The following CDH13 variants were observed in gnomAD, a reference collection of about 807,000 sequenced individuals.
CDH13 encodes cadherin 13, also known as cadherin-13.
Under a neutral mutation model 63.8 loss-of-function variants are expected in CDH13, and 24 were observed. The observed-to-expected ratio is 0.38, with a 90% confidence interval of 0.27 to 0.53. CDH13 has a LOEUF of 0.53. CDH13 is among the 20% of genes least tolerant of loss of function. The probability of loss-of-function intolerance (pLI) is 0.85; values close to 1 mark genes in which losing one functional copy is unlikely to be tolerated. For missense variants in CDH13, 1,049 were observed against 903.1 expected, an observed-to-expected ratio of 1.16 and a Z score of -2.07; for synonymous variants, 503 against 355.3, an observed-to-expected ratio of 1.42 and a Z score of -4.67.
chr16:83,314,185 C>G (rs915152283), intron 5 of CDH13, among the ~76,000 whole-genome samples: 1 of 152,126 alleles, frequency 6.6e-6, no homozygotes, highest in Non-Finnish European at 1.5e-5. Context: ...TTTATTCACT[C>G]CCAACACACT....
In CDH13 at chr16:83,572,631, G is replaced by A. The variant is rs773101179; in HGVS notation, c.961-29823G>A. ...CATTGAATTGAATATTCTAGCCCTC[G>A]CTCACCAGTTAATTGATGTTATTCC... On this transcript the variant is annotated intron_variant, in intron 7 of 13. Transcript: ENST00000567109. 7.9e-5 allele frequency among the ~76,000 whole-genome samples: 12 copies of A among 152,072 alleles called. 1 individual carries two copies. The highest frequency in any genetic ancestry group is 2.1e-4 in the South Asian group (1 of 4,820).
intron 3 of CDH13, among the ~76,000 whole-genome samples, chr16:83,073,421 C>T (rs1397758579): frequency 6.7e-6 from 1 of 150,304 alleles, no homozygotes; most frequent in African/African-American, 2.5e-5. Context: ...TTATATTAAA[C>T]AGAATATTGG....
At chr16:82,753,588 A>T (rs1278366642) in intron 1 of CDH13, among the ~76,000 whole-genome samples, 2 of 152,214 alleles carry the variant, frequency 1.3e-5, no homozygotes, top group South Asian at 2.1e-4. Flanking sequence ...CATCAAAAAA[A>T]AATTCTTTAT....
intron 1 of CDH13, among the ~76,000 whole-genome samples, chr16:82,720,724 AC>A (rs1567465107): frequency 6.6e-6 from 1 of 152,090 alleles, no homozygotes; most frequent in East Asian, 1.9e-4. Flanking sequence ...ATTGAAGAAA[AC>A]AGCATTATAT....
At chr16:83,045,080 A>G (rs1220551997) in intron 3 of CDH13, among the ~76,000 whole-genome samples, 2 of 152,210 alleles carry the variant, frequency 1.3e-5, no homozygotes, top group African/African-American at 2.4e-5. Context: ...AGAGATTCAC[A>G]TGGAGATACT....
At chr16:83,753,465 A>T (rs1284443676) in intron 11 of CDH13, among the ~76,000 whole-genome samples, 3 of 152,126 alleles carry the variant, frequency 2.0e-5, no homozygotes, top group Admixed American at 2.0e-4. Flanking sequence ...GGATCACCTG[A>T]ACCCAGGTAG....
At chr16:83,096,184 T>G (rs1360352569) in intron 3 of CDH13, among the ~76,000 whole-genome samples, 1 of 152,202 alleles carries the variant, frequency 6.6e-6, no homozygotes, top group African/African-American at 2.4e-5. Flanking sequence ...CGTACCAGGC[T>G]ATGTGTGGAC....
At chr16:83,744,670 C>T (rs140895759) in intron 10 of CDH13, among the ~76,000 whole-genome samples, 1 of 152,328 alleles carries the variant, frequency 6.6e-6, no homozygotes, top group African/African-American at 2.4e-5. Flanking sequence ...CATTAACACA[C>T]CCATAGCCTG....
At chr16:82,943,148 A>G (rs566238594) in intron 2 of CDH13, among the ~76,000 whole-genome samples, 1 of 152,330 alleles carries the variant, frequency 6.6e-6, no homozygotes, top group South Asian at 2.1e-4. Flanking sequence ...TTTAGCATTT[A>G]CAATTATTGT....
intron 6 of CDH13, among the ~76,000 whole-genome samples, chr16:83,355,673 G>A (rs759331543): frequency 1.3e-5 from 2 of 152,208 alleles, no homozygotes; most frequent in African/African-American, 2.4e-5. Context: ...TAATGAGGAT[G>A]GGGTTGGAGG....
chr16:83,399,634 G>C (rs1306596594), intron 6 of CDH13, among the ~76,000 whole-genome samples: 1 of 152,172 alleles, frequency 6.6e-6, no homozygotes, highest in Non-Finnish European at 1.5e-5. Context: ...TGACTTCTGA[G>C]ATGAGGTCAT....
At chr16:82,719,294 T>A (rs2032605611) in intron 1 of CDH13, 1 of 449,784 alleles carries the variant, frequency 2.2e-6, no homozygotes. Flanking sequence ...CTGGGACAGG[T>A]GGTGTGGAGA....
At chr16:83,052,801 A>AAAAG (rs1555571696) in intron 3 of CDH13, among the ~76,000 whole-genome samples, 2,224 of 122,406 alleles carry the variant, frequency 0.018, 277 homozygotes, top group African/African-American at 0.04. Context: ...AAAAAAAAAA[A>AAAAG]AAAGAAAGAA....
chr16:83,026,332 G>A lies in CDH13; in HGVS notation c.158-5678G>A, dbSNP rs527438046. ...AATGAACAGATCAGAGAAGGTTCTCGCTCTAGGCCTTTCTGGATATGGGAC... is the reference window on the plus strand; with the variant it reads ...AATGAACAGATCAGAGAAGGTTCTCACTCTAGGCCTTTCTGGATATGGGAC... On this transcript the variant is annotated intron_variant, in intron 2 of 13. Coordinates refer to ENST00000567109, the MANE Select transcript of CDH13 (RefSeq NM_001257.5). Among the ~76,000 whole-genome samples, 542 of 152,274 alleles carry A rather than the reference G, an allele frequency of 3.6e-3. 2 individuals are homozygous for A. Among genetic ancestry groups the A allele is most frequent in the Non-Finnish European group, 5.9e-3 (403 of 68,028 alleles).
chr16:82,973,834 G>C (rs1205178093), intron 2 of CDH13, among the ~76,000 whole-genome samples: 2 of 152,188 alleles, frequency 1.3e-5, no homozygotes, highest in Non-Finnish European at 2.9e-5. Flanking sequence ...GCATGTTGCA[G>C]TTTTGTACTC....
intron 9 of CDH13, among the ~76,000 whole-genome samples, chr16:83,676,414 G>A (rs1914960036): frequency 6.6e-6 from 1 of 152,300 alleles, no homozygotes; most frequent in Non-Finnish European, 1.5e-5. Context: ...GCAAGCCAAA[G>A]GCTCTGTCCC....
intron 3 of CDH13, among the ~76,000 whole-genome samples, chr16:83,080,063 T>C (rs1054409910): frequency 6.6e-6 from 1 of 152,206 alleles, no homozygotes; most frequent in Non-Finnish European, 1.5e-5. Flanking sequence ...ATCAAATTTA[T>C]TTTATTAGGA....
intron 5 of CDH13, among the ~76,000 whole-genome samples, chr16:83,309,921 A>T (rs1475310400): frequency 6.6e-6 from 1 of 152,124 alleles, no homozygotes; most frequent in African/African-American, 2.4e-5. Context: ...TCCTGGGTGA[A>T]AGTGGCTCTC....
chr16:83,691,146 T>C (rs1205205113), intron 10 of CDH13, among the ~76,000 whole-genome samples: 1 of 150,258 alleles, frequency 6.7e-6, no homozygotes, highest in African/African-American at 2.5e-5. Context: ...GGAATAAAGA[T>C]TGACTCCAAG....
Sources: allele counts gnomAD v4.1 joint callset (sites outside exome capture counted in the v4.1 genomes callset), GRCh38; gene constraint gnomAD v4.1.1; transcripts MANE v1.5; gene names NCBI Gene and HGNC (gene_info 2026-07-23, HGNC 2026-07-21).